The following EGLN1 variants were observed in gnomAD, a reference collection of about 807,000 sequenced individuals.
The protein encoded by EGLN1 is egl nine homolog 1.
In EGLN1, 17 loss-of-function variants were observed where a neutral mutation model predicts 38.3. The observed-to-expected ratio is 0.44, with a 90% CI of 0.30 to 0.67. The LOEUF (loss-of-function observed/expected upper bound fraction) is 0.67. Ranked by LOEUF, EGLN1 falls within the 30% of genes least tolerant of loss-of-function variation. EGLN1 has a pLI of 0.08. For missense variants in EGLN1, 477 were observed against 603.3 expected (o/e 0.79, Z 2.19); for synonymous variants, 283 against 257.5 (o/e 1.10, Z -0.95).
intron 1 of EGLN1, among the ~76,000 whole-genome samples, chr1:231,390,406 T>C (rs944948649): frequency 6.6e-6 from 1 of 152,260 alleles, no homozygotes; most frequent in Admixed American, 6.5e-5. Flanking sequence ...CGTACTATGC[T>C]AAGTTTAATC....
intron 1 of EGLN1, among the ~76,000 whole-genome samples, chr1:231,401,832 G>T (rs1339172052): frequency 6.6e-6 from 1 of 152,104 alleles, no homozygotes; most frequent in East Asian, 1.9e-4. Flanking sequence ...CTTAGGAGTG[G>T]AATTCCTGGG....
At chr1:231,391,083 GTTTTTTTTTTGTGTGTGTGTGTGTGTGT>G (rs1688357844) in intron 1 of EGLN1, among the ~76,000 whole-genome samples, 1 of 49,798 alleles carries the variant, frequency 2.0e-5, no homozygotes, top group Non-Finnish European at 5.5e-5. Flanking sequence ...AACTCATTCT[GTTTTTTTTTTGTGTGTGTGTGTGTGTGT>G]GTGTGTGTGT....
At chr1:231,420,145 C>G (rs1167895640) in intron 1 of EGLN1, 1 of 152,068 alleles carries the variant, frequency 6.6e-6, no homozygotes, top group Non-Finnish European at 1.5e-5. Context: ...GGAAAAACCG[C>G]AATAGTAAAG....
chr1:231,372,456 A>C (rs923498671), intron 2 of EGLN1, among the ~76,000 whole-genome samples: 1 of 152,272 alleles, frequency 6.6e-6, no homozygotes, highest in African/African-American at 2.4e-5. Context: ...TTATAAGATC[A>C]GCCTAGAAAA....
intron 1 of EGLN1, among the ~76,000 whole-genome samples, chr1:231,416,098 G>C (rs1008462742): frequency 6.6e-6 from 1 of 152,074 alleles, no homozygotes; most frequent in Non-Finnish European, 1.5e-5. Context: ...TGATCCACCC[G>C]CCTCAGCCTC....
chr1:231,401,193 A>C (rs1039901753), intron 1 of EGLN1, among the ~76,000 whole-genome samples: 2 of 152,212 alleles, frequency 1.3e-5, no homozygotes, highest in African/African-American at 4.8e-5. Flanking sequence ...TAAGCTCTAG[A>C]ATCAAACTAT....
At chr1:231,396,240 C>T (rs1428638700) in intron 1 of EGLN1, among the ~76,000 whole-genome samples, 1 of 144,770 alleles carries the variant, frequency 6.9e-6, no homozygotes, top group Non-Finnish European at 1.5e-5. Flanking sequence ...GTTTTTTCCT[C>T]ACTGGCTTCT....
Position 231,421,650 on chromosome 1 carries a change from G to C in EGLN1, c.239C>G (p.Pro80Arg). The change falls in exon 1 of 5, where the codon CCG (proline) becomes CGG (arginine). Residue 80 changes from proline to arginine, a missense_variant. Transcript: ENST00000366641. The surrounding 1 kb of genome is among the most constrained non-coding windows in gnomAD (Gnocchi z 5.5). ...GGCCCTGGGCGGCGGCACTGCAGCCGGCGGCGCGGGGCCGGAATGCTGGTG... is the reference window on the plus strand; with the variant it reads ...GGCCCTGGGCGGCGGCACTGCAGCCCGCGGCGCGGGGCCGGAATGCTGGTG... ...GPHQHSGPAP[P>R]AAVPPPRAGA... 6.9e-7 allele frequency: 1 copy of C among 1,456,530 alleles called. No individual in the cohort carries two copies. Among genetic ancestry groups the C allele is most frequent in the East Asian group, 3.0e-5 (1 of 33,318 alleles). 90.2% of individuals were successfully genotyped at this position (1,456,530 alleles called of 1,614,324 possible). A position where few individuals can be genotyped will look rare whatever the true frequency, so the allele number is the denominator to read the frequency against.
chr1:231,419,420 ATCT>A (rs1656489311), intron 1 of EGLN1, among the ~76,000 whole-genome samples: 2 of 152,348 alleles, frequency 1.3e-5, no homozygotes, highest in South Asian at 2.1e-4. Flanking sequence ...TTGGGACATC[ATCT>A]TCTTCAAGAA....
At chr1:231,380,234 T>A (rs1197988782) in intron 1 of EGLN1, among the ~76,000 whole-genome samples, 2 of 145,978 alleles carry the variant, frequency 1.4e-5, no homozygotes, top group Admixed American at 7.3e-5. Context: ...TTGAATGGCG[T>A]GAACCCGGGA....
chr1:231,392,288 A>T (rs1688413300), intron 1 of EGLN1, among the ~76,000 whole-genome samples: 1 of 152,192 alleles, frequency 6.6e-6, no homozygotes, highest in African/African-American at 2.4e-5. Context: ...CTCTGTCTCA[A>T]AAAATAAAAT....
rs1687797398 is a variant in EGLN1 at position 231,370,698 on chromosome 1, C to G, written c.1012G>C (p.Val338Leu). Residue 338 changes from valine (V) to leucine (L), a missense_variant and splice_region_variant, in exon 3 of 5, where the codon GTA becomes CTA. This residue lies in a region of EGLN1 where 59 missense variants were observed against 119.0 expected (regional missense o/e 0.50). Transcript: ENST00000366641. ...YYLNKDWDAK[V>L]SGGILRIFPE... ...AAAATTCGAAGTATACCTCCACTTA[C>G]CTAGGAAAAGAGCCAAATATGTAAG... The G allele has an allele frequency of 1.2e-6, 2 of 1,613,984 alleles. No individual in the cohort carries two copies. The highest frequency in any genetic ancestry group is 1.7e-6 in the Non-Finnish European group (2 of 1,179,998).
At chr1:231,415,976 T>C (rs1171016682) in intron 1 of EGLN1, among the ~76,000 whole-genome samples, 1 of 151,918 alleles carries the variant, frequency 6.6e-6, no homozygotes, top group Non-Finnish European at 1.5e-5. Context: ...GCCTCCCAAG[T>C]AGCTGGGACT....
intron 3 of EGLN1, among the ~76,000 whole-genome samples, chr1:231,368,028 GAA>G (rs947863510): frequency 1.3e-5 from 2 of 148,890 alleles, no homozygotes; most frequent in Non-Finnish European, 3.0e-5. Context: ...CTAAAAAAAA[GAA>G]AAAAAAAATT....
rs200603630 is a variant in EGLN1, at chr1:231,418,916, C to T, written c.891+2082G>A. Among the ~76,000 whole-genome samples, 7 of 152,004 alleles carry T rather than the reference C, an allele frequency of 4.6e-5. No individual in the cohort carries two copies. The East Asian group carries it at 1.2e-3, about 25-fold the overall frequency. On this transcript the variant is annotated intron_variant, in intron 1 of 4. Coordinates refer to ENST00000366641, the MANE Select transcript of EGLN1 (RefSeq NM_022051.3). ...TATCTGTATTGATCCTAATATGATG[C>T]CTAACACACTGTGGTTGGTTGCTCA...
intron 1 of EGLN1, among the ~76,000 whole-genome samples, chr1:231,402,266 T>A (rs1025439117): frequency 2.6e-5 from 4 of 152,158 alleles, no homozygotes; most frequent in African/African-American, 9.6e-5. Flanking sequence ...TTCATTTTCT[T>A]AATGGTATCT....
At chr1:231,400,596 A>G (rs1572040591) in intron 1 of EGLN1, among the ~76,000 whole-genome samples, 1 of 152,312 alleles carries the variant, frequency 6.6e-6, no homozygotes, top group African/African-American at 2.4e-5. Context: ...ACGATATCTG[A>G]ATACTATCAA....
intron 1 of EGLN1, among the ~76,000 whole-genome samples, chr1:231,412,475 GTA>G (rs910254976): frequency 6.6e-6 from 1 of 152,078 alleles, no homozygotes. Flanking sequence ...TTCAAACTTC[GTA>G]TATTTCTTTT....
At chr1:231,388,480 TCG>T (rs1448287729) in intron 1 of EGLN1, among the ~76,000 whole-genome samples, 1 of 152,036 alleles carries the variant, frequency 6.6e-6, no homozygotes, top group African/African-American at 2.4e-5. Context: ...TGTCTCTGTC[TCG>T]CTCTCTGTCT....
Sources: gnomAD v4.1 joint callset for allele counts (sites outside exome capture counted in the v4.1 genomes callset) on GRCh38, gnomAD v4.1.1 for gene constraint, gnomAD v4.1.1 regional missense constraint, Gnocchi (gnomAD v3.1) non-coding constraint, MANE v1.5 for transcripts, NCBI Gene and HGNC (gene_info 2026-07-23, HGNC 2026-07-21) for gene names.